PRKN: variants seen among roughly 807,000 people sequenced by gnomAD.
PRKN encodes parkin RBR E3 ubiquitin protein ligase, also known as E3 ubiquitin-protein ligase parkin.
In PRKN, 56 loss-of-function variants were observed where a neutral mutation model predicts 59.5. The observed-to-expected ratio is 0.94, with a 90% CI of 0.76 to 1.18. The LOEUF is 1.18. PRKN is among the 50% of genes most tolerant of loss of function. PRKN has a pLI of 0.00. For missense variants in PRKN, 657 were observed against 596.4 expected, an observed-to-expected ratio of 1.10 and a Z score of -1.06; for synonymous variants, 250 against 222.1, an observed-to-expected ratio of 1.13 and a Z score of -1.12.
chr6:161,965,300 G>A (rs1000519837), intron 6 of PRKN, among the ~76,000 whole-genome samples: 4 of 152,024 alleles, frequency 2.6e-5, no homozygotes, highest in Admixed American at 6.5e-5. Context: ...AAAAACATAA[G>A]TCTTTATTGG....
rs1215046968 is a variant in PRKN, at chr6:161,578,792, T to C, written c.872-9376A>G. ...AGGTAGAACATGCAGTAACAAAAGA[T>C]GAAAAACACTTCTCATTTTTCTTAT... On this transcript the variant is annotated intron_variant, in intron 7 of 11. Coordinates refer to ENST00000366898, the MANE Select transcript of PRKN (RefSeq NM_004562.3). This position sits in a 1 kb window ranked among gnomAD's most constrained non-coding sequence, Gnocchi z 4.2. 6.6e-6 allele frequency among the ~76,000 whole-genome samples: 1 copy of C among 152,238 alleles called. No individual in the cohort carries two copies. The highest frequency in any genetic ancestry group is 2.4e-5 in the African/African-American group (1 of 41,476).
chr6:162,328,566 A>G (rs1320258839), intron 2 of PRKN, among the ~76,000 whole-genome samples: 1 of 152,206 alleles, frequency 6.6e-6, no homozygotes, highest in Non-Finnish European at 1.5e-5. Flanking sequence ...GGGAGAAAAG[A>G]GACCGGTAAA....
chr6:162,251,847 A>T (rs1210252286), intron 3 of PRKN, among the ~76,000 whole-genome samples: 1 of 152,154 alleles, frequency 6.6e-6, no homozygotes, highest in African/African-American at 2.4e-5. Context: ...ATAGTGTTTC[A>T]TTTTATAGAA....
intron 7 of PRKN, among the ~76,000 whole-genome samples, chr6:161,769,524 G>A (rs1789574559): frequency 6.6e-6 from 1 of 152,126 alleles, no homozygotes; most frequent in African/African-American, 2.4e-5. Context: ...TTTTGACAGA[G>A]GCTGCCAGAT....
intron 7 of PRKN, among the ~76,000 whole-genome samples, chr6:161,663,285 G>A (rs1784612633): frequency 6.6e-6 from 1 of 152,138 alleles, no homozygotes; most frequent in Non-Finnish European, 1.5e-5. Flanking sequence ...TCTGGGGAGT[G>A]AAATCCTAGC....
intron 1 of PRKN, among the ~76,000 whole-genome samples, chr6:162,556,421 T>A: frequency 7.3e-6 from 1 of 137,622 alleles, no homozygotes; most frequent in African/African-American, 2.7e-5. Context: ...GGCAGACGCC[T>A]TCTTTTTTTT....
chr6:162,599,783 T>G (rs1781630372), intron 1 of PRKN, among the ~76,000 whole-genome samples: 1 of 152,060 alleles, frequency 6.6e-6, no homozygotes, highest in Admixed American at 6.6e-5. Context: ...ATGCCTAATT[T>G]CAACCATCAA....
chr6:162,112,852 G>C (rs1447430898), intron 4 of PRKN, among the ~76,000 whole-genome samples: 1 of 152,000 alleles, frequency 6.6e-6, no homozygotes, highest in Non-Finnish European at 1.5e-5. Context: ...GAGGTAGGGA[G>C]GTCAAGGCGG....
intron 7 of PRKN, among the ~76,000 whole-genome samples, chr6:161,688,134 A>C (rs1377244485): frequency 6.6e-6 from 1 of 152,166 alleles, no homozygotes; most frequent in African/African-American, 2.4e-5. Context: ...TTTAAGCTGC[A>C]TTGCTTTTCC....
At position 161,454,660 on chromosome 6, in the gene PRKN, T is replaced by C. The variant is rs150636364; in HGVS notation, c.1084-67783A>G. Among the ~76,000 whole-genome samples, 58 of 152,312 alleles carry C rather than the reference T, an allele frequency of 3.8e-4. No individual in the cohort carries two copies. Among genetic ancestry groups the C allele is most frequent in the Non-Finnish European group, 6.3e-4 (43 of 68,032 alleles). ...TGTAGTTATACTGAAATTTAGAATA[T>C]GTGGGTTGAAAAGCACCAAAGCCAG... On this transcript the variant is annotated intron_variant, in intron 9 of 11. Transcript: ENST00000366898. This position sits in a 1 kb window ranked among gnomAD's most constrained non-coding sequence, Gnocchi z 4.6.
At chr6:161,897,968 A>AAAC (rs1777716549) in intron 6 of PRKN, among the ~76,000 whole-genome samples, 1 of 135,552 alleles carries the variant, frequency 7.4e-6, no homozygotes, top group South Asian at 2.4e-4. Context: ...CTCCGTCTCA[A>AAAC]AAAAAAAAAA....
chr6:162,212,341 C>A (rs1254448371), intron 3 of PRKN, among the ~76,000 whole-genome samples: 1 of 151,446 alleles, frequency 6.6e-6, no homozygotes, highest in East Asian at 1.9e-4. Context: ...TCCCCACCCC[C>A]ACCTTCAACC....
intron 3 of PRKN, among the ~76,000 whole-genome samples, chr6:162,222,878 T>C (rs1777994862): frequency 6.6e-6 from 1 of 152,084 alleles, no homozygotes. Context: ...TACTTTAAGT[T>C]TTAGGGTACA....
intron 2 of PRKN, among the ~76,000 whole-genome samples, chr6:162,376,767 AAGGGAGGGGGAGGGGG>A (rs1786114748): frequency 2.1e-5 from 2 of 93,872 alleles, no homozygotes; most frequent in South Asian, 1.1e-3. Context: ...GTGAGAGGGA[AAGGGAGGGGGAGGGGG>A]AGGGGAGGAG....
chr6:162,026,253 T>C (rs2128277707), intron 5 of PRKN, among the ~76,000 whole-genome samples: 1 of 152,290 alleles, frequency 6.6e-6, no homozygotes, highest in Non-Finnish European at 1.5e-5. Context: ...ACATGACAAA[T>C]GGAAGGCAAG....
chr6:162,603,091 G>A (rs1038920159), intron 1 of PRKN, among the ~76,000 whole-genome samples: 12 of 152,086 alleles, frequency 7.9e-5, no homozygotes, highest in Non-Finnish European at 8.8e-5. Flanking sequence ...CTTTTGGTTC[G>A]TGGGGTGTTT....
intron 6 of PRKN, among the ~76,000 whole-genome samples, chr6:161,823,137 A>G (rs1213722125): frequency 2.8e-5 from 4 of 143,834 alleles, no homozygotes; most frequent in African/African-American, 5.2e-5. Context: ...GGGTCTTTCT[A>G]TGTTGCCCAG....
chr6:162,497,661 C>T (rs1416751684), intron 1 of PRKN, among the ~76,000 whole-genome samples: 3 of 152,252 alleles, frequency 2.0e-5, no homozygotes, highest in Admixed American at 6.5e-5. Flanking sequence ...AATGTTGAGC[C>T]GTGTCTTTGC....
rs889159353 is a variant in PRKN, at chr6:162,146,481, G to A, written c.534+54650C>T. 2.0e-4 allele frequency among the ~76,000 whole-genome samples: 30 copies of A among 148,438 alleles called. No individual in the cohort carries two copies. The East Asian group carries it at 4.4e-3, about 22-fold the overall frequency. The stretch of plus-strand genomic sequence containing the variant: ...AGATATACTAAACATATATATATAC[G>A]TATGTATATATACACATTATATATA... On this transcript the variant is annotated intron_variant, in intron 4 of 11. Coordinates refer to ENST00000366898, the MANE Select transcript of PRKN (RefSeq NM_004562.3).
Sources: gnomAD v4.1 joint callset for allele counts (sites outside exome capture counted in the v4.1 genomes callset) on GRCh38, gnomAD v4.1.1 for gene constraint, Gnocchi (gnomAD v3.1) non-coding constraint, MANE v1.5 for transcripts, NCBI Gene and HGNC (gene_info 2026-07-23, HGNC 2026-07-21) for gene names.